The following DOCK3 variants were observed in gnomAD, a reference collection of about 807,000 sequenced individuals.
DOCK3 encodes dedicator of cytokinesis 3.
A neutral mutation model predicts 265.6 loss-of-function variants in DOCK3; 60 were observed. The observed-to-expected ratio is 0.23, with a 90% CI of 0.18 to 0.28. The LOEUF (loss-of-function observed/expected upper bound fraction) is 0.28. Ranked by LOEUF, DOCK3 falls within the 10% of genes least tolerant of loss-of-function variation. The probability of loss-of-function intolerance (pLI) is 1.00; values close to 1 mark genes in which losing one functional copy is unlikely to be tolerated. For missense variants in DOCK3, 1,981 were observed against 2,594.3 expected (o/e 0.76, Z 5.14); for synonymous variants, 881 against 938.0 (o/e 0.94, Z 1.11).
chr3:50,849,405 TACAC>T (rs1209361630), intron 3 of DOCK3, among the ~76,000 whole-genome samples: 5 of 149,938 alleles, frequency 3.3e-5, no homozygotes, highest in Admixed American at 3.3e-4. Flanking sequence ...CACACACACA[TACAC>T]ACACACATAT....
intron 1 of DOCK3, among the ~76,000 whole-genome samples, chr3:50,761,825 A>G (rs2040549017): frequency 6.6e-6 from 1 of 152,350 alleles, no homozygotes. Flanking sequence ...TTATTGTGGC[A>G]CTATTCACAA....
At chr3:51,204,684 A>G (rs2089060397) in intron 12 of DOCK3, among the ~76,000 whole-genome samples, 1 of 145,388 alleles carries the variant, frequency 6.9e-6, no homozygotes, top group African/African-American at 2.5e-5. Context: ...CCAAAGGACT[A>G]TAAATCATGC....
At chr3:51,106,379 C>G (rs1435208414) in intron 9 of DOCK3, among the ~76,000 whole-genome samples, 2 of 152,212 alleles carry the variant, frequency 1.3e-5, no homozygotes, top group Non-Finnish European at 2.9e-5. Flanking sequence ...TGCAGCCCAC[C>G]CACACCCTTC....
chr3:50,834,248 A>G (rs1341347309), intron 2 of DOCK3, among the ~76,000 whole-genome samples: 4 of 152,088 alleles, frequency 2.6e-5, no homozygotes, highest in African/African-American at 9.7e-5. Flanking sequence ...AAGGGATCAA[A>G]ACAAGAAAAT....
At chr3:51,249,442 C>G (rs2079056424) in intron 22 of DOCK3, among the ~76,000 whole-genome samples, 1 of 122,708 alleles carries the variant, frequency 8.1e-6, no homozygotes, top group Non-Finnish European at 1.8e-5. Flanking sequence ...TGTCCGGCCG[C>G]CCCTACTGGG....
intron 27 of DOCK3, among the ~76,000 whole-genome samples, chr3:51,308,917 G>A (rs1281503618): frequency 6.6e-6 from 1 of 151,734 alleles, no homozygotes; most frequent in East Asian, 2.0e-4. Flanking sequence ...CGGGGCGGCC[G>A]GGCAGAGACG....
At chr3:50,886,410 A>T (rs1559769676) in intron 3 of DOCK3, among the ~76,000 whole-genome samples, 2 of 151,708 alleles carry the variant, frequency 1.3e-5, no homozygotes, top group East Asian at 1.9e-4. Flanking sequence ...TTTTTAAAAA[A>T]TTTTATTATT....
intron 1 of DOCK3, among the ~76,000 whole-genome samples, chr3:50,726,081 T>C (rs955102344): frequency 1.3e-5 from 2 of 152,212 alleles, no homozygotes; most frequent in Non-Finnish European, 2.9e-5. Context: ...AAATATTTTC[T>C]CTACTACTTA....
intron 5 of DOCK3, among the ~76,000 whole-genome samples, chr3:51,034,674 C>A (rs2080188577): frequency 6.6e-6 from 1 of 152,058 alleles, no homozygotes; most frequent in Non-Finnish European, 1.5e-5. Context: ...TTTATCCATA[C>A]ATTTACTGGT....
At chr3:50,898,627 T>G (rs945176395) in intron 4 of DOCK3, 1 of 152,260 alleles carries the variant, frequency 6.6e-6, no homozygotes, top group Non-Finnish European at 1.5e-5. Context: ...GTGCTATAAA[T>G]TTCCCCCTAC....
intron 3 of DOCK3, among the ~76,000 whole-genome samples, chr3:50,888,572 A>C (rs929774205): frequency 3.9e-5 from 6 of 152,200 alleles, no homozygotes; most frequent in Non-Finnish European, 1.5e-5. Flanking sequence ...AAGCCGAAAG[A>C]ACAAAGCTGG....
chr3:50,950,080 CTT>C (rs2076548514), intron 5 of DOCK3, among the ~76,000 whole-genome samples: 2 of 150,288 alleles, frequency 1.3e-5, no homozygotes, highest in Admixed American at 1.4e-4. Flanking sequence ...ATTTATTACA[CTT>C]TTCATTGCTG....
At chr3:50,985,490 A>G (rs902928010) in intron 5 of DOCK3, among the ~76,000 whole-genome samples, 3 of 152,248 alleles carry the variant, frequency 2.0e-5, no homozygotes, top group African/African-American at 4.8e-5. Context: ...CCCTCTGGCA[A>G]TTTTAACAGA....
At chr3:50,765,751 A>G (rs1374590715) in intron 1 of DOCK3, among the ~76,000 whole-genome samples, 2 of 152,166 alleles carry the variant, frequency 1.3e-5, no homozygotes, top group Non-Finnish European at 2.9e-5. Flanking sequence ...AGCACTTGTC[A>G]TTTCTTCCTG....
chr3:51,055,311 A>G (rs541082549), intron 5 of DOCK3, among the ~76,000 whole-genome samples: 20 of 152,186 alleles, frequency 1.3e-4, no homozygotes, highest in Admixed American at 4.6e-4. Flanking sequence ...GATTTCTGGT[A>G]CCTCCAGTCT....
At chr3:51,349,081 C>A in intron 39 of DOCK3, 143 bp downstream of exon 39, 1 of 762,340 alleles carries the variant, frequency 1.3e-6, no homozygotes, top group Non-Finnish European at 2.1e-6. Context: ...AGGACACTTG[C>A]AGTCTGACTA....
At chr3:50,873,651 T>C (rs1397181901) in intron 3 of DOCK3, among the ~76,000 whole-genome samples, 5 of 152,236 alleles carry the variant, frequency 3.3e-5, no homozygotes, top group African/African-American at 1.2e-4. Flanking sequence ...CTAAACTGCC[T>C]TTTAAATTTA....
At chr3:50,719,268 C>CTTTTTTTTTTTTTTTT (rs71084106) in intron 1 of DOCK3, among the ~76,000 whole-genome samples, 4 of 138,658 alleles carry the variant, frequency 2.9e-5, no homozygotes, top group Non-Finnish European at 4.7e-5. Flanking sequence ...TAGATATTTT[C>CTTTTTTTTTTTTTTTT]TTTTTTTTTT....
chr3:51,273,660 C>T (rs765203063), intron 24 of DOCK3, among the ~76,000 whole-genome samples: 8 of 152,178 alleles, frequency 5.3e-5, no homozygotes, highest in Non-Finnish European at 1.0e-4. Flanking sequence ...ATATTCTAAG[C>T]ATTTGACAAG....
Sources: allele counts gnomAD v4.1 joint callset (sites outside exome capture counted in the v4.1 genomes callset), GRCh38; gene constraint gnomAD v4.1.1; transcripts MANE v1.5; gene names NCBI Gene and HGNC (gene_info 2026-07-23, HGNC 2026-07-21).